Variants in WDR45 observed in about 807,000 individuals in gnomAD.
WDR45 encodes the protein WD repeat domain phosphoinositide-interacting protein 4.
A neutral mutation model predicts 27.3 loss-of-function variants in WDR45; 2 were observed. The observed-to-expected ratio is 0.07, with a 90% confidence interval of 0.03 to 0.23. The LOEUF (loss-of-function observed/expected upper bound fraction) is 0.23, where lower values mean the gene tolerates loss of function less well. Ranked by LOEUF, WDR45 falls within the 10% of genes least tolerant of loss-of-function variation. The pLI is 1.00. For synonymous variants in WDR45, 99 were observed against 119.2 expected (o/e 0.83, Z 1.11); for missense variants, 175 against 311.9 (o/e 0.56, Z 3.31).
Position 49,075,525 on chromosome X carries a change from C to T in WDR45, c.725+20G>A, listed in dbSNP as rs1557084021. ...ATGTGGTATGGGGTCACCAGCCCACCATGCATACCCTGTGCTCACCAGTAG... is the reference window on the plus strand; with the variant it reads ...ATGTGGTATGGGGTCACCAGCCCACTATGCATACCCTGTGCTCACCAGTAG... On this transcript the variant is annotated intron_variant, in intron 8 of 10. Coordinates refer to ENST00000376372, the MANE Select transcript of WDR45 (RefSeq NM_001029896.2). 1 of 1,211,254 alleles carries T rather than the reference C, an allele frequency of 8.3e-7. No individual in the cohort carries two copies. Among genetic ancestry groups the T allele is most frequent in the Non-Finnish European group, 1.1e-6 (1 of 895,028 alleles).
At chrX:49,094,216 C>T (rs1370694767) in intron 2 of WDR45, among the ~76,000 whole-genome samples, 1 of 111,152 alleles carries the variant, frequency 9.0e-6, no homozygotes, top group Non-Finnish European at 1.9e-5. Flanking sequence ...CACCTGTAAT[C>T]CCAGCACTAT....
chrX:49,082,999 G>A (rs1326933591), upstream of WDR45, among the ~76,000 whole-genome samples: 1 of 109,593 alleles, frequency 9.1e-6, no homozygotes, highest in East Asian at 2.9e-4. Flanking sequence ...CCTGCCTCAG[G>A]CTCCCAAGTA....
At chrX:49,077,094 A>C in intron 4 of WDR45, 1 of 225,163 alleles carries the variant, frequency 4.4e-6, no homozygotes. Flanking sequence ...TAGTCCATGC[A>C]CCCTGGAGAT....
chrX:49,086,411 C>G (rs1378174494), intron 2 of WDR45, among the ~76,000 whole-genome samples: 1 of 111,256 alleles, frequency 9.0e-6, no homozygotes, highest in Admixed American at 9.6e-5. Context: ...CCTGGGCCTC[C>G]CAAAGTGCTG....
chrX:49,093,172 G>A, intron 2 of WDR45, among the ~76,000 whole-genome samples: 3 of 111,756 alleles, frequency 2.7e-5, no homozygotes, highest in East Asian at 5.6e-4. Context: ...GCCTCCCAAA[G>A]TGCTGGGATT....
chrX:49,080,888 ATTTTTTTT>A (rs782319738), upstream of WDR45, among the ~76,000 whole-genome samples: 44 of 42,400 alleles, frequency 1.0e-3, no homozygotes, highest in South Asian at 4.2e-3. Flanking sequence ...ACTGGAAGGA[ATTTTTTTT>A]TTTTTTTTTT....
chrX:49,088,688 T>C (rs969576341), intron 2 of WDR45, among the ~76,000 whole-genome samples: 2 of 111,859 alleles, frequency 1.8e-5, no homozygotes, highest in Non-Finnish European at 3.8e-5. Context: ...ATACACACTT[T>C]ATAGAATTAG....
upstream of WDR45, among the ~76,000 whole-genome samples, chrX:49,082,556 A>G (rs1485355318): frequency 1.2e-4 from 13 of 111,087 alleles, no homozygotes; most frequent in East Asian, 1.4e-3. Context: ...ACTCAATTCA[A>G]TTTGGTGTTT....
At chrX:49,083,672 G>A (rs2065077032), upstream of WDR45, among the ~76,000 whole-genome samples, 1 of 110,468 alleles carries the variant, frequency 9.1e-6, no homozygotes, top group African/African-American at 3.3e-5. Context: ...TTGTGGCCAG[G>A]CGTGGTGGCT....
chrX:49,098,435 G>A (rs2065133677), intron 2 of WDR45, among the ~76,000 whole-genome samples: 2 of 106,846 alleles, frequency 1.9e-5, no homozygotes, highest in African/African-American at 6.9e-5. Context: ...GGCGGAGGTT[G>A]CAGTGAGTCA....
intron 10 of WDR45, 80 bp from the exon 11 acceptor site, chrX:49,074,992 G>T: frequency 8.9e-7 from 1 of 1,127,787 alleles, no homozygotes; most frequent in Non-Finnish European, 1.2e-6. Context: ...CAGGACCTAG[G>T]GTCTGCCTCC....
At chrX:49,099,752 G>T (rs2065138517) in intron 2 of WDR45, among the ~76,000 whole-genome samples, 1 of 106,241 alleles carries the variant, frequency 9.4e-6, no homozygotes, top group African/African-American at 3.6e-5. Flanking sequence ...CTGCACTCTA[G>T]CCTGGGCGAC....
chrX:49,083,685 C>T (rs79383191), upstream of WDR45, among the ~76,000 whole-genome samples: 206 of 110,279 alleles, frequency 1.9e-3, 8 homozygotes, highest in East Asian at 0.055. Context: ...TGGTGGCTCA[C>T]GCCTGTAATC....
At chrX:49,080,281 TCCAG>T (rs1356453574), upstream of WDR45, 1 of 111,620 alleles carries the variant, frequency 9.0e-6, no homozygotes, top group African/African-American at 3.3e-5. Flanking sequence ...CTCCCAGGCT[TCCAG>T]AGGGGCGGCG....
In WDR45 at chrX:49,099,520, G is replaced by A. The variant is rs782301698; in HGVS notation, c.-18+685C>T. Among the ~76,000 whole-genome samples, 5 of 111,409 alleles carry A rather than the reference G, an allele frequency of 4.5e-5. No homozygotes were observed. In the South Asian group the frequency reaches 1.9e-3, roughly 41 times the overall value. On this transcript the variant is annotated intron_variant, in intron 2 of 11. Coordinates refer to the WDR45 transcript ENST00000356463. ...TTCTGGGGCGGGCGTAGTGGCTTAT[G>A]CCTGTAATCCCAGCACTTTGGGAGG...
chrX:49,075,765 G>A lies in WDR45; in HGVS notation c.517-12C>T. On this transcript the variant is annotated splice_polypyrimidine_tract_variant and intron_variant, in intron 7 of 10. Coordinates refer to ENST00000376372, the MANE Select transcript of WDR45 (RefSeq NM_001029896.2). ...GTGCTCGCCAGGTCCTGGGGTAGGA[G>A]GGAGGAGTCTGAGGTTGGGGTGGTA... is the stretch of plus-strand genomic sequence containing the variant. The A allele has an allele frequency of 8.3e-7, 1 of 1,203,442 alleles. No homozygotes were observed. The highest frequency in any genetic ancestry group is 1.8e-5 in the South Asian group (1 of 55,893).
intron 1 of WDR45, among the ~76,000 whole-genome samples, chrX:49,078,823 G>A (rs892167574): frequency 5.3e-5 from 6 of 112,231 alleles, no homozygotes; most frequent in Non-Finnish European, 1.1e-4. Flanking sequence ...ACCTAGCACC[G>A]GACTCTCTCA....
intron 2 of WDR45, among the ~76,000 whole-genome samples, chrX:49,090,203 A>T (rs1428268086): frequency 1.8e-5 from 2 of 110,793 alleles, no homozygotes; most frequent in Non-Finnish European, 3.8e-5. Flanking sequence ...AACTGGGATT[A>T]CAGGCGCCTG....
intron 4 of WDR45, 103 bp downstream of exon 4, chrX:49,077,540 C>T (rs1403896426): frequency 1.8e-5 from 13 of 705,319 alleles, no homozygotes; most frequent in Non-Finnish European, 2.7e-5. Context: ...CTCTGTGTGA[C>T]TCTGAAGTAC....
Sources: allele counts gnomAD v4.1 joint callset (sites outside exome capture counted in the v4.1 genomes callset), GRCh38; gene constraint gnomAD v4.1.1; transcripts MANE v1.5; gene names NCBI Gene and HGNC (gene_info 2026-07-23, HGNC 2026-07-21).